NID1: variants seen among roughly 807,000 people sequenced by gnomAD.
NID1 encodes nidogen-1.
Under a neutral mutation model 130.6 loss-of-function variants are expected in NID1, and 76 were observed. The observed-to-expected ratio is 0.58, with a 90% CI of 0.48 to 0.70. The LOEUF is 0.70. Among genes scored for constraint, NID1 ranks in the 30% least tolerant of loss-of-function variants. The pLI is 0.00. For missense variants in NID1, 1,517 were observed against 1,664.8 expected (o/e 0.91, Z 1.54); for synonymous variants, 665 against 675.1 (o/e 0.98, Z 0.23).
intron 8 of NID1, 84 bp from the exon 9 acceptor site, chr1:236,024,297 T>G: frequency 2.7e-6 from 4 of 1,505,240 alleles, no homozygotes; most frequent in Non-Finnish European, 3.6e-6. Context: ...CAACCACAAC[T>G]GGTGAGCAAG....
At chr1:235,982,846 G>A (rs1279742990) in intron 15 of NID1, among the ~76,000 whole-genome samples, 1 of 152,146 alleles carries the variant, frequency 6.6e-6, no homozygotes, top group African/African-American at 2.4e-5. Context: ...TCTGGGGTAT[G>A]AGGCAACCAT....
Position 236,064,849 on chromosome 1 carries a change from A to AGTGAGTG in NID1, c.225+5_225+6insCACTCAC, listed in dbSNP as rs1660147779. ...CCCCTCGCCCGCCCTCCCGGGGCTCACTCACGTAGACTGCGTCGATGTCGG... is the reference window on the plus strand; with the variant it reads ...CCCCTCGCCCGCCCTCCCGGGGCTCAGTGAGTGCTCACGTAGACTGCGTCGATGTCGG... On this transcript the variant is annotated splice_donor_region_variant and intron_variant, in intron 1 of 19. Transcript: ENST00000264187. 1 of 1,608,456 alleles carries AGTGAGTG rather than the reference A, an allele frequency of 6.2e-7. No individual in the cohort carries two copies. The highest frequency in any genetic ancestry group is 1.3e-5 in the African/African-American group (1 of 74,702).
Position 235,993,679 on chromosome 1 carries a change from C to T in NID1, c.2721G>A (p.Glu907=). The change falls in exon 13 of 20, where the codon GAG becomes GAA. Residue 907 remains glutamate, a synonymous_variant. Coordinates refer to ENST00000264187, the MANE Select transcript of NID1 (RefSeq NM_002508.3). The part of the protein sequence containing the change: ...WCVDRDGREV[E]GTRTRPGMTP... ...TCATCCCGGGCCTGGTCCTGGTGCC[C>T]TCCACCTCGCGGCCGTCGCGATCCA... is the stretch of plus-strand genomic sequence containing the variant. The T allele has an allele frequency of 6.3e-7, 1 of 1,579,662 alleles. No homozygotes were observed. The highest frequency in any genetic ancestry group is 1.3e-5 in the African/African-American group (1 of 74,300).
chr1:236,012,406 A>C (rs1311700365), intron 11 of NID1, among the ~76,000 whole-genome samples: 2 of 152,064 alleles, frequency 1.3e-5, no homozygotes, highest in African/African-American at 4.8e-5. Flanking sequence ...AAAATATAAA[A>C]AATTAGCTGG....
intron 12 of NID1, among the ~76,000 whole-genome samples, chr1:236,008,487 C>A (rs1448576957): frequency 6.6e-6 from 1 of 152,028 alleles, no homozygotes; most frequent in Non-Finnish European, 1.5e-5. Flanking sequence ...TGTAATGTTT[C>A]ATAAAGTATT....
At position 235,981,765 on chromosome 1, in the gene NID1, C is replaced by T. The variant is rs781082917; in HGVS notation, c.3073G>A (p.Gly1025Ser). 1.2e-6 allele frequency: 2 copies of T among 1,610,134 alleles called. No homozygotes were observed. Among genetic ancestry groups the T allele is most frequent in the Admixed American group, 3.4e-5 (2 of 58,974 alleles). ...CGGCCAAGGTGATCAACAGCGATAC[C>T]TTCTGGACTTCCAAGATCTAGAAGT... The part of the protein sequence containing the change: ...IIRQDLGSPE[G>S]IAVDHLGRNI... The change falls in exon 16 of 20, where the codon GGT becomes AGT. Residue 1025 changes from glycine to serine, a missense_variant. Physicochemically the swap from Gly to Ser is moderately conservative, Grantham distance 56. Transcript: ENST00000264187.
At chr1:236,033,290 A>G (rs895199629) in intron 5 of NID1, among the ~76,000 whole-genome samples, 1 of 152,224 alleles carries the variant, frequency 6.6e-6, no homozygotes, top group Non-Finnish European at 1.5e-5. Flanking sequence ...CCTGGGTGAC[A>G]GAGCGAGACT....
chr1:236,029,201 G>A (rs532425710), intron 7 of NID1, among the ~76,000 whole-genome samples: 358 of 151,522 alleles, frequency 2.4e-3, no homozygotes, highest in Middle Eastern at 3.5e-3. Context: ...AGTACAAATA[G>A]ATGTATAATA....
chr1:236,039,438 G>T, intron 4 of NID1, among the ~76,000 whole-genome samples: 1 of 151,248 alleles, frequency 6.6e-6, no homozygotes, highest in African/African-American at 2.4e-5. Context: ...TTTTCCCTGA[G>T]GAATAATTTG....
At chr1:235,992,028 G>C (rs1456231851) in intron 13 of NID1, among the ~76,000 whole-genome samples, 1 of 152,148 alleles carries the variant, frequency 6.6e-6, no homozygotes, top group Non-Finnish European at 1.5e-5. Context: ...TGATTCACTT[G>C]ATGAGACAAT....
chr1:235,995,630 AC>A (rs1459002028), intron 12 of NID1, among the ~76,000 whole-genome samples: 2 of 152,110 alleles, frequency 1.3e-5, no homozygotes, highest in Non-Finnish European at 2.9e-5. Context: ...AGGCCTTTCC[AC>A]GTGCTATTCT....
chr1:235,982,591 C>T (rs1036441761), intron 15 of NID1, among the ~76,000 whole-genome samples: 6 of 152,174 alleles, frequency 3.9e-5, no homozygotes, highest in African/African-American at 1.4e-4. Context: ...AACTGATTTT[C>T]AAGCCAGGAG....
chr1:235,996,663 G>T (rs912001229), intron 12 of NID1, among the ~76,000 whole-genome samples: 1 of 151,992 alleles, frequency 6.6e-6, no homozygotes, highest in Non-Finnish European at 1.5e-5. Context: ...GACTGGTCTC[G>T]AACTACTGAG....
chr1:236,024,861 C>T (rs575712952), intron 8 of NID1, among the ~76,000 whole-genome samples: 2 of 152,182 alleles, frequency 1.3e-5, no homozygotes, highest in Admixed American at 6.5e-5. Context: ...CAGACCGCAG[C>T]GCCAGTGATG....
rs577105888 is a variant in NID1 at position 236,055,821 on chromosome 1, T to C, written c.226-6832A>G. ...ATTTGGTTTTGTTTTTCCAGGTTTA[T>C]TGAGGTATAACTGATAAACAAAAGT... On this transcript the variant is annotated intron_variant, in intron 1 of 19. Transcript: ENST00000264187. 2.6e-5 allele frequency among the ~76,000 whole-genome samples: 4 copies of C among 152,286 alleles called. No homozygotes were observed. In the East Asian group the frequency reaches 5.8e-4, roughly 22 times the overall value.
rs768952072 is a variant in NID1, at chr1:235,989,069, C to CTTT, written c.2928+1814_2928+1816dup. ...CCACCTAGCCCACTTAAATTATCTG[C>CTTT]TTTTTTTTTTTTTTTTTTTTTTGAG... On this transcript the variant is annotated intron_variant, in intron 14 of 19. Transcript: ENST00000264187. Among the ~76,000 whole-genome samples the CTTT allele has an allele frequency of 1.2e-3, 142 of 115,778 alleles. 1 individual carries two copies. The highest frequency in any genetic ancestry group is 4.9e-3 in the Middle Eastern group (1 of 204). The allele number at this position is 115,778 out of a possible 152,430, so 76.0% of individuals were successfully genotyped here.
chr1:236,042,051 G>C lies in NID1; in HGVS notation c.994C>G (p.Leu332Val). 1 of 1,614,168 alleles carries C rather than the reference G, an allele frequency of 6.2e-7. No individual in the cohort carries two copies. The highest frequency in any genetic ancestry group is 8.5e-7 in the Non-Finnish European group (1 of 1,180,036). ...TCGGTAGCTGCCCGGCGCGGGGAGA[G>C]GACGCTGGGCACACTGTATGTGTCA... is the stretch of plus-strand genomic sequence containing the variant. ...GADTYSVPSVLSPRRAATERP... is the reference protein window; with the variant it reads ...GADTYSVPSVVSPRRAATERP... The change falls in exon 4 of 20, where the codon CTC becomes GTC. Residue 332 changes from leucine to valine, a missense_variant. Physicochemically the swap from Leu to Val is conservative, Grantham distance 32 (BLOSUM62 1). Transcript: ENST00000264187.
At chr1:236,054,825 G>A (rs2102850035) in intron 1 of NID1, among the ~76,000 whole-genome samples, 1 of 151,522 alleles carries the variant, frequency 6.6e-6, no homozygotes, top group South Asian at 2.1e-4. Context: ...TATTTTTAGT[G>A]GACACAGGGT....
At chr1:235,981,268 C>T (rs1657427809) in intron 16 of NID1, among the ~76,000 whole-genome samples, 1 of 152,192 alleles carries the variant, frequency 6.6e-6, no homozygotes, top group Non-Finnish European at 1.5e-5. Flanking sequence ...AAAGCAGCCT[C>T]AGCAGTCCAT....
Sources: allele counts gnomAD v4.1 joint callset (sites outside exome capture counted in the v4.1 genomes callset), GRCh38; gene constraint gnomAD v4.1.1; transcripts MANE v1.5; gene names NCBI Gene and HGNC (gene_info 2026-07-23, HGNC 2026-07-21).